ZZEF1: variants seen among roughly 807,000 people sequenced by gnomAD.
The protein encoded by ZZEF1 is zinc finger ZZ-type and EF-hand domain-containing protein 1.
Under a neutral mutation model 342.8 loss-of-function variants are expected in ZZEF1, and 157 were observed. The observed-to-expected ratio is 0.46, with a 90% CI of 0.40 to 0.52. The LOEUF (loss-of-function observed/expected upper bound fraction) is 0.52, where lower values mean the gene tolerates loss of function less well. ZZEF1 is among the 20% of genes least tolerant of loss of function. The probability of loss-of-function intolerance (pLI) is 0.00; values close to 1 mark genes in which losing one functional copy is unlikely to be tolerated. For synonymous variants in ZZEF1, 1,505 were observed against 1,429.1 expected (o/e 1.05, Z -1.20); for missense variants, 3,480 against 3,725.6 (o/e 0.93, Z 1.72).
In ZZEF1 at chr17:4,067,146, T is replaced by A; in HGVS notation, c.4155+17A>T. ...AAACCTAAAATATAGCAAAATCACA[T>A]GCAAAGAAAATCTTACCATCCATAT... On this transcript the variant is annotated intron_variant, in intron 27 of 54. Coordinates refer to ENST00000381638, the MANE Select transcript of ZZEF1 (RefSeq NM_015113.4). 2 of 1,607,064 alleles carry A rather than the reference T, an allele frequency of 1.2e-6. No homozygotes were observed. The highest frequency in any genetic ancestry group is 1.3e-5 in the African/African-American group (1 of 74,784).
intron 38 of ZZEF1, 105 bp from the exon 39 acceptor site, chr17:4,042,673 G>A: frequency 8.3e-7 from 1 of 1,210,614 alleles, no homozygotes; most frequent in Non-Finnish European, 1.1e-6. Flanking sequence ...ATAAAGCTGG[G>A]ATTTTATTCA....
In ZZEF1 at chr17:4,036,817, A is replaced by ACACACT. The variant is rs754105162; in HGVS notation, c.6307-2526_6307-2525insAGTGTG. Among the ~76,000 whole-genome samples the ACACACT allele has an allele frequency of 5.9e-3, 428 of 72,502 alleles. 1 individual carries two copies. Among genetic ancestry groups the ACACACT allele is most frequent in the East Asian group, 0.017 (37 of 2,192 alleles). The allele number at this position is 72,502 out of a possible 152,430, so 47.6% of individuals were successfully genotyped here. A position where few individuals can be genotyped will look rare whatever the true frequency, so the allele number is the denominator to read the frequency against. The stretch of plus-strand genomic sequence containing the variant: ...CACACACACACACACACACACACAC[A>ACACACT]CTCTCTCTCTCTCTCTCTCTCTCTC... On this transcript the variant is annotated intron_variant, in intron 39 of 54. Transcript: ENST00000381638.
intron 39 of ZZEF1, among the ~76,000 whole-genome samples, chr17:4,040,886 T>C (rs372099035): frequency 1.3e-5 from 2 of 152,298 alleles, no homozygotes; most frequent in East Asian, 1.9e-4. Flanking sequence ...TAAGAGCCAA[T>C]TGCAGAAGGG....
chr17:4,052,576 T>C (rs556242083), intron 34 of ZZEF1, among the ~76,000 whole-genome samples: 7 of 152,114 alleles, frequency 4.6e-5, no homozygotes, highest in African/African-American at 1.7e-4. Flanking sequence ...AATTAAAAAA[T>C]TAAAAAAGGG....
chr17:4,128,012 G>A (rs977689181), intron 1 of ZZEF1, among the ~76,000 whole-genome samples: 4 of 152,188 alleles, frequency 2.6e-5, no homozygotes, highest in African/African-American at 4.8e-5. Flanking sequence ...CCAGGCCACC[G>A]GGACATTTGA....
chr17:4,033,211 G>C (rs925546847), intron 40 of ZZEF1: 2 of 487,098 alleles, frequency 4.1e-6, no homozygotes, highest in Non-Finnish European at 3.6e-6. Flanking sequence ...CCCTACGGCT[G>C]TGTTTCCAAA....
At chr17:4,115,395 G>A (rs2058378168) in intron 3 of ZZEF1, among the ~76,000 whole-genome samples, 1 of 152,156 alleles carries the variant, frequency 6.6e-6, no homozygotes, top group Admixed American at 6.6e-5. Flanking sequence ...AGACTCAGTG[G>A]CTCACACCTG....
rs144898483 is a variant in ZZEF1, at chr17:4,111,878, T to C, written c.1066+731A>G. Among the ~76,000 whole-genome samples, 23 of 144,790 alleles carry C rather than the reference T, an allele frequency of 1.6e-4. No individual in the cohort carries two copies. The South Asian group carries it at 3.7e-3, about 23-fold the overall frequency. The allele number at this position is 144,790 out of a possible 152,430, so 95.0% of individuals were successfully genotyped here. The stretch of plus-strand genomic sequence containing the variant: ...GTGAGGCCCCATTTCTACAAAAAAG[T>C]GTAAAGAAATTAGCCAGGCATCGCG... On this transcript the variant is annotated intron_variant, in intron 5 of 54. Coordinates refer to ENST00000381638, the MANE Select transcript of ZZEF1 (RefSeq NM_015113.4).
Position 4,064,768 on chromosome 17 carries a change from T to C in ZZEF1, c.4311A>G (p.Ser1437=). Residue 1437 remains serine, a synonymous_variant, in exon 29 of 55, where the codon TCA becomes TCG. Transcript: ENST00000381638. The part of the protein sequence containing the change: ...LLKFLPTGIS[S]KESCEKLETA... ...TCTCCAACTTTTCGCAGCTTTCTTT[T>C]GAACTTATGCCCGTGGGCAGAAATT... The C allele has an allele frequency of 6.2e-7, 1 of 1,612,788 alleles. No individual in the cohort carries two copies. Among genetic ancestry groups the C allele is most frequent in the East Asian group, 2.2e-5 (1 of 44,870 alleles).
rs951537101 is a variant in ZZEF1, at chr17:4,019,827, G to C, written c.7405-58C>G. On this transcript the variant is annotated intron_variant, in intron 45 of 54. Coordinates refer to ENST00000381638, the MANE Select transcript of ZZEF1 (RefSeq NM_015113.4). ...ATTAACAGTGCTTCAATACGGTATT[G>C]ATCAACTGAACTCAAAACTGAGAAG... The C allele has an allele frequency of 3.0e-6, 4 of 1,325,896 alleles. No homozygotes were observed. In the Admixed American group the frequency reaches 7.4e-5, roughly 24 times the overall value. The allele number at this position is 1,325,896 out of a possible 1,614,324, so 82.1% of individuals were successfully genotyped here.
chr17:4,052,878 G>GC lies in ZZEF1; in HGVS notation c.5435-743_5435-742insG, dbSNP rs577192197. Reference sequence around the variant, plus strand: ...TGAGACTTTGTCTCGGGAGGGCGGCGGGGGAGAAAAAACCAGACCCAGACC... The same window carrying GC: ...TGAGACTTTGTCTCGGGAGGGCGGCGCGGGGAGAAAAAACCAGACCCAGACC... On this transcript the variant is annotated intron_variant, in intron 34 of 54. Transcript: ENST00000381638. 2.7e-3 allele frequency among the ~76,000 whole-genome samples: 308 copies of GC among 113,658 alleles called. 2 individuals are homozygous for GC. The highest frequency in any genetic ancestry group is 0.013 in the African/African-American group (293 of 22,496). The allele number at this position is 113,658 out of a possible 152,430, so 74.6% of individuals were successfully genotyped here. A position where few individuals can be genotyped will look rare whatever the true frequency, so the allele number is the denominator to read the frequency against.
At chr17:4,007,033 A>T in intron 54 of ZZEF1, 63 bp from the exon 55 acceptor site, 1 of 1,435,020 alleles carries the variant, frequency 7.0e-7, no homozygotes, top group South Asian at 1.3e-5. Context: ...GTGAGTGCTG[A>T]TAAGACCCTC....
intron 42 of ZZEF1, among the ~76,000 whole-genome samples, chr17:4,029,380 GA>G (rs35682213): frequency 3.7e-4 from 51 of 138,166 alleles, no homozygotes; most frequent in South Asian, 6.9e-4. Context: ...ACAGAGCAAA[GA>G]AAAAAAAAAT....
intron 9 of ZZEF1, among the ~76,000 whole-genome samples, chr17:4,098,094 C>T (rs1017554580): frequency 2.0e-5 from 3 of 151,862 alleles, no homozygotes; most frequent in African/African-American, 7.3e-5. Context: ...CAAAATTCGC[C>T]GGGCGTGGTG....
At position 4,109,907 on chromosome 17, in the gene ZZEF1, T is replaced by C. The variant is rs759749044; in HGVS notation, c.1067-44A>G. On this transcript the variant is annotated intron_variant, in intron 5 of 54. Coordinates refer to ENST00000381638, the MANE Select transcript of ZZEF1 (RefSeq NM_015113.4). ...AAATTCAGTATTGGATTAACTTCTT[T>C]AGGCAAATGCTGGGCTCCCAACTAA... is the stretch of plus-strand genomic sequence containing the variant. 2.6e-5 allele frequency: 42 copies of C among 1,602,402 alleles called. 1 individual carries two copies. The highest frequency in any genetic ancestry group is 3.3e-5 in the Non-Finnish European group (39 of 1,171,398).
Position 4,075,350 on chromosome 17 carries a change from T to C in ZZEF1, c.3314A>G (p.Asn1105Ser). 2 of 1,614,258 alleles carry C rather than the reference T, an allele frequency of 1.2e-6. No homozygotes were observed. Among genetic ancestry groups the C allele is most frequent in the Non-Finnish European group, 1.7e-6 (2 of 1,180,050 alleles). ...WTKESAHNYE[N>S]NCHEVSVFVS... ...AAAGACGGATACCTCATGGCAATTATTTTCATAGTTGTGGGCAGATTCCTT... is the reference window on the plus strand; with the variant it reads ...AAAGACGGATACCTCATGGCAATTACTTTCATAGTTGTGGGCAGATTCCTT... The change falls in exon 22 of 55, where the codon AAT becomes AGT. Residue 1105 changes from asparagine (N) to serine (S), a missense_variant. Physicochemically the swap from Asn to Ser is conservative, Grantham distance 46. Coordinates refer to ENST00000381638, the MANE Select transcript of ZZEF1 (RefSeq NM_015113.4).
intron 1 of ZZEF1, among the ~76,000 whole-genome samples, chr17:4,134,351 T>TA (rs1491268823): frequency 7.1e-5 from 10 of 140,592 alleles, no homozygotes; most frequent in African/African-American, 2.7e-4. Context: ...TTTATATATA[T>TA]TTATATATAT....
chr17:4,109,312 T>C (rs1164952530), intron 6 of ZZEF1, among the ~76,000 whole-genome samples: 1 of 152,158 alleles, frequency 6.6e-6, no homozygotes, highest in Admixed American at 6.5e-5. Flanking sequence ...TATAGAAACA[T>C]GAGCAATTAC....
rs1258714611 is a variant in ZZEF1 at position 4,126,591 on chromosome 17, A to G, written c.355-2540T>C. On this transcript the variant is annotated intron_variant, in intron 1 of 54. Coordinates refer to ENST00000381638, the MANE Select transcript of ZZEF1 (RefSeq NM_015113.4). ...GAAGCTGTCCCATGCTGCAGGCCCA[A>G]AAAGACTTAGGGGCTGGTAATAACA... is the stretch of plus-strand genomic sequence containing the variant. Among the ~76,000 whole-genome samples, 4 of 152,202 alleles carry G rather than the reference A, an allele frequency of 2.6e-5. No individual in the cohort carries two copies. The South Asian group carries it at 8.3e-4, about 31-fold the overall frequency.
Sources: gnomAD v4.1 joint callset for allele counts (sites outside exome capture counted in the v4.1 genomes callset) on GRCh38, gnomAD v4.1.1 for gene constraint, MANE v1.5 for transcripts, NCBI Gene and HGNC (gene_info 2026-07-23, HGNC 2026-07-21) for gene names.